MORC1: variants seen among roughly 807,000 people sequenced by gnomAD.
MORC1 encodes the protein MORC family CW-type zinc finger protein 1.
A neutral mutation model predicts 134.9 loss-of-function variants in MORC1; 59 were observed. The observed-to-expected ratio is 0.44, with a 90% CI of 0.35 to 0.54. MORC1 has a LOEUF of 0.54. Ranked by LOEUF, MORC1 falls within the 20% of genes least tolerant of loss-of-function variation. The pLI is 0.00. For missense variants in MORC1, 947 were observed against 1,134.5 expected (o/e 0.83, Z 2.37); for synonymous variants, 395 against 391.7 (o/e 1.01, Z -0.10).
At chr3:109,000,529 G>A (rs763317830) in intron 21 of MORC1, 28 bp downstream of exon 21, 1 of 1,462,008 alleles carries the variant, frequency 6.8e-7, no homozygotes, top group South Asian at 1.3e-5. Context: ...AAATCTCAAG[G>A]TGTCATTTAG....
chr3:109,085,118 ATCTG>A (rs757094861), intron 8 of MORC1, among the ~76,000 whole-genome samples: 55 of 151,840 alleles, frequency 3.6e-4, no homozygotes, highest in Non-Finnish European at 5.6e-4. Context: ...GTCTGTGTCT[ATCTG>A]TCTGTCTGTC....
intron 8 of MORC1, among the ~76,000 whole-genome samples, chr3:109,072,141 G>A (rs542439595): frequency 3.3e-5 from 5 of 152,228 alleles, no homozygotes; most frequent in Admixed American, 6.5e-5. Flanking sequence ...CATTATAAAC[G>A]TCAAACTTTT....
At chr3:109,016,355 C>T (rs1559894914) in intron 17 of MORC1, among the ~76,000 whole-genome samples, 1 of 152,106 alleles carries the variant, frequency 6.6e-6, no homozygotes, top group Non-Finnish European at 1.5e-5. Context: ...CTTTACTGTA[C>T]CCTCCATATA....
chr3:108,961,818 G>A (rs1370574099), intron 27 of MORC1, among the ~76,000 whole-genome samples: 3 of 152,190 alleles, frequency 2.0e-5, no homozygotes, highest in Non-Finnish European at 2.9e-5. Flanking sequence ...AGTAGTAAAC[G>A]ATTATTCTTT....
chr3:109,059,286 T>C (rs1950027592), intron 12 of MORC1, among the ~76,000 whole-genome samples: 1 of 152,166 alleles, frequency 6.6e-6, no homozygotes, highest in African/African-American at 2.4e-5. Context: ...GGAGAGCAAG[T>C]TCATCTTACA....
chr3:108,958,975 G>A lies in MORC1; in HGVS notation c.2945C>T (p.Ser982Leu), dbSNP rs16855035. Reference protein sequence around the residue: ...RLPLEKNEKTSEN With the variant: ...RLPLEKNEKTLEN ...AATACCATCTCTGACTTAATTTTCC[G>A]AAGTCTTTTCATTTTTTTCTAAAGG... Residue 982 changes from serine (S) to leucine (L), a missense_variant, in exon 28 of 28, where the codon TCG (serine) becomes TTG (leucine). Ser to Leu is a moderately radical substitution (Grantham distance 145). Around this residue, in one of 3 missense-constraint regions of MORC1, gnomAD observed 722 missense variants for 817.0 expected, o/e 0.88. Coordinates refer to ENST00000232603, the MANE Select transcript of MORC1 (RefSeq NM_014429.4). 1.2e-4 allele frequency: 182 copies of A among 1,486,712 alleles called. No homozygotes were observed. The highest frequency in any genetic ancestry group is 8.0e-4 in the South Asian group (58 of 72,612). 92.1% of individuals were successfully genotyped at this position (1,486,712 alleles called of 1,614,324 possible).
intron 11 of MORC1, among the ~76,000 whole-genome samples, chr3:109,061,287 T>G (rs1434598641): frequency 6.6e-6 from 1 of 152,200 alleles, no homozygotes; most frequent in African/African-American, 2.4e-5. Context: ...TCATTCACCA[T>G]CATTTAAAGC....
chr3:109,106,521 C>A (rs564762595), intron 3 of MORC1, among the ~76,000 whole-genome samples: 1 of 152,136 alleles, frequency 6.6e-6, no homozygotes, highest in African/African-American at 2.4e-5. Context: ...GTTAATTACG[C>A]GTGTCCAAAA....
intron 21 of MORC1, among the ~76,000 whole-genome samples, chr3:108,996,309 A>C (rs890553235): frequency 1.1e-5 from 1 of 94,086 alleles, no homozygotes; most frequent in African/African-American, 3.9e-5. Context: ...CACACACACA[A>C]CTAGAATTTC....
At chr3:108,960,163 T>C (rs1181038907) in intron 27 of MORC1, among the ~76,000 whole-genome samples, 1 of 152,184 alleles carries the variant, frequency 6.6e-6, no homozygotes, top group African/African-American at 2.4e-5. Context: ...AAGGAAAAAG[T>C]TAATCTTGTT....
At chr3:109,063,051 T>C (rs1950118465) in intron 10 of MORC1, 101 bp downstream of exon 10, 2 of 763,502 alleles carry the variant, frequency 2.6e-6, no homozygotes, top group Non-Finnish European at 4.3e-6. Flanking sequence ...TTGTAGTAGC[T>C]CCTACAATGC....
intron 2 of MORC1, 38 bp downstream of exon 2, chr3:109,114,346 A>C (rs932502733): frequency 2.0e-5 from 31 of 1,547,478 alleles, no homozygotes; most frequent in Middle Eastern, 1.7e-4. Flanking sequence ...TATGTCATGA[A>C]ATTCCCTCAG....
In MORC1 at chr3:109,019,324, A is replaced by G. The variant is rs191191443; in HGVS notation, c.1704+8427T>C. ...CATTGCCCCTTCTGTAAAGCTTTCCAAAGTCACTTTGCCTTCCAAACCTGC... is the reference window on the plus strand; with the variant it reads ...CATTGCCCCTTCTGTAAAGCTTTCCGAAGTCACTTTGCCTTCCAAACCTGC... On this transcript the variant is annotated intron_variant, in intron 17 of 27. Coordinates refer to ENST00000232603, the MANE Select transcript of MORC1 (RefSeq NM_014429.4). Among the ~76,000 whole-genome samples the G allele has an allele frequency of 4.1e-4, 63 of 152,276 alleles. No homozygotes were observed. In the Middle Eastern group the frequency reaches 0.01, roughly 25 times the overall value.
At chr3:109,040,434 A>AAG (rs1949497881) in intron 14 of MORC1, among the ~76,000 whole-genome samples, 1 of 119,412 alleles carries the variant, frequency 8.4e-6, no homozygotes, top group Non-Finnish European at 1.8e-5. Context: ...GAAGGAAAGA[A>AAG]AGAAAGAAAG....
At chr3:109,071,335 A>G (rs576497204) in intron 8 of MORC1, among the ~76,000 whole-genome samples, 15 of 152,290 alleles carry the variant, frequency 9.8e-5, no homozygotes, top group Non-Finnish European at 1.5e-4. Flanking sequence ...ACACACACAT[A>G]TATGTGTGTA....
At chr3:109,089,748 C>T (rs1216795270) in intron 8 of MORC1, among the ~76,000 whole-genome samples, 3 of 152,054 alleles carry the variant, frequency 2.0e-5, no homozygotes, top group Non-Finnish European at 2.9e-5. Flanking sequence ...CCTGAAGAAA[C>T]ATCTTGTTTT....
intron 15 of MORC1, among the ~76,000 whole-genome samples, chr3:109,034,114 G>A (rs1364835365): frequency 1.3e-5 from 2 of 151,760 alleles, no homozygotes; most frequent in South Asian, 2.1e-4. Context: ...TTTATAATTC[G>A]TCACCTGGAT....
chr3:109,090,620 CAAAAAAAAAAA>C (rs34093019), intron 8 of MORC1, among the ~76,000 whole-genome samples: 8 of 54,690 alleles, frequency 1.5e-4, no homozygotes, highest in African/African-American at 4.4e-4. Context: ...AACTCCGTCT[CAAAAAAAAAAA>C]AAAAAAAAAA....
chr3:109,005,046 G>A (rs1948503608), intron 19 of MORC1, 24 bp downstream of exon 19: 1 of 1,593,172 alleles, frequency 6.3e-7, no homozygotes, highest in Admixed American at 1.8e-5. Flanking sequence ...GAATTGTTTT[G>A]TGAATAAGAA....
Sources: gnomAD v4.1 joint callset for allele counts (sites outside exome capture counted in the v4.1 genomes callset) on GRCh38, gnomAD v4.1.1 for gene constraint, gnomAD v4.1.1 regional missense constraint, MANE v1.5 for transcripts, NCBI Gene and HGNC (gene_info 2026-07-23, HGNC 2026-07-21) for gene names.